Variants in SLC3A2 observed in about 807,000 individuals in gnomAD.
The protein encoded by SLC3A2 is solute carrier family 3 member 2.
A neutral mutation model predicts 48.5 loss-of-function variants in SLC3A2; 32 were observed. That is an observed-to-expected ratio of 0.66 (90% confidence interval 0.50 to 0.89). The LOEUF is 0.89. SLC3A2 is among the 40% of genes least tolerant of loss of function. The probability of loss-of-function intolerance (pLI) is 0.00; values close to 1 mark genes in which losing one functional copy is unlikely to be tolerated. For synonymous variants in SLC3A2, 277 were observed against 288.8 expected (o/e 0.96, Z 0.41); for missense variants, 587 against 680.7 (o/e 0.86, Z 1.53).
chr11:62,880,800 G>A (rs557373623), upstream of SLC3A2: 3 of 904,838 alleles, frequency 3.3e-6, no homozygotes, highest in South Asian at 4.1e-5. Context: ...ACCCTGAGCC[G>A]CCCACGGCTG....
chr11:62,876,435 A>C (rs2085571659), upstream of SLC3A2, among the ~76,000 whole-genome samples: 1 of 152,096 alleles, frequency 6.6e-6, no homozygotes, highest in Non-Finnish European at 1.5e-5. Context: ...AAATTCTTGA[A>C]AAATTATATT....
At chr11:62,880,809 TG>T (rs1000431895), upstream of SLC3A2, 22 of 1,013,342 alleles carry the variant, frequency 2.2e-5, no homozygotes, top group African/African-American at 3.6e-4. Flanking sequence ...CGCCCACGGC[TG>T]GGGCAGTCCC....
intron 7 of SLC3A2, 102 bp from the exon 8 acceptor site, chr11:62,888,033 C>T (rs1174092335): frequency 6.0e-6 from 6 of 1,005,116 alleles, no homozygotes; most frequent in Non-Finnish European, 7.6e-6. Flanking sequence ...TGGGCTCAAG[C>T]AATCCTCTTG....
chr11:62,873,372 C>G (rs1305230979), intron 1 of SLC3A2, among the ~76,000 whole-genome samples: 1 of 151,656 alleles, frequency 6.6e-6, no homozygotes, highest in Non-Finnish European at 1.5e-5. Context: ...CCTGTAGTCC[C>G]AGGTACTCTG....
At chr11:62,857,565 C>G (rs1229832235) in intron 1 of SLC3A2, among the ~76,000 whole-genome samples, 2 of 151,840 alleles carry the variant, frequency 1.3e-5, no homozygotes, top group East Asian at 3.9e-4. Context: ...TGGTGCATGC[C>G]TGTAGCCCCA....
chr11:62,882,778 C>A, intron 2 of SLC3A2, 130 bp from the exon 3 acceptor site: 1 of 761,538 alleles, frequency 1.3e-6, no homozygotes, highest in Non-Finnish European at 2.2e-6. Context: ...ATGAATTTTG[C>A]CCGGGTTCAA....
At chr11:62,857,284 C>G (rs1353100830) in intron 1 of SLC3A2, among the ~76,000 whole-genome samples, 1 of 152,124 alleles carries the variant, frequency 6.6e-6, no homozygotes, top group Non-Finnish European at 1.5e-5. Flanking sequence ...ATCATCATGC[C>G]ACACTAATTT....
At chr11:62,858,579 T>A (rs919719787) in intron 1 of SLC3A2, among the ~76,000 whole-genome samples, 3 of 151,726 alleles carry the variant, frequency 2.0e-5, no homozygotes, top group Middle Eastern at 3.4e-3. Flanking sequence ...ACGAGAGACT[T>A]AGGAAAGAAA....
Position 62,888,677 on chromosome 11 carries a change from T to C in SLC3A2, c.1574T>C (p.Phe525Ser). 6.3e-7 allele frequency: 1 copy of C among 1,594,726 alleles called. No homozygotes were observed. The change falls in exon 9 of 9, where the codon TTC becomes TCC. Residue 525 changes from phenylalanine to serine, a missense_variant. This residue lies in a region of SLC3A2 where 169 missense variants were observed against 204.4 expected (regional missense o/e 0.83). Transcript: ENST00000338663. ...LEPHEGLLLRFPYAA is the reference protein window; with the variant it reads ...LEPHEGLLLRSPYAA Reference sequence around the variant, plus strand: ...CCTCACGAAGGGCTGCTGCTCCGCTTCCCCTACGCGGCCTGACTTCAGCCT... The same window carrying C: ...CCTCACGAAGGGCTGCTGCTCCGCTCCCCCTACGCGGCCTGACTTCAGCCT...
intron 1 of SLC3A2, among the ~76,000 whole-genome samples, chr11:62,858,643 T>C (rs2085364181): frequency 1.3e-5 from 2 of 151,998 alleles, no homozygotes; most frequent in Non-Finnish European, 2.9e-5. Flanking sequence ...GAACCAGCGT[T>C]CAGCATATGG....
intron 1 of SLC3A2, among the ~76,000 whole-genome samples, chr11:62,865,775 C>T (rs1039406949): frequency 6.6e-6 from 1 of 152,034 alleles, no homozygotes; most frequent in African/African-American, 2.4e-5. Flanking sequence ...GTGAATCAAA[C>T]GCCTCATGGC....
intron 7 of SLC3A2, chr11:62,886,343 A>G (rs1271765804): frequency 6.6e-6 from 1 of 151,824 alleles, no homozygotes; most frequent in Non-Finnish European, 1.5e-5. Context: ...GGATACTACT[A>G]CAAAGGCATT....
At chr11:62,869,186 A>G (rs1242862126) in intron 1 of SLC3A2, among the ~76,000 whole-genome samples, 1 of 151,918 alleles carries the variant, frequency 6.6e-6, no homozygotes, top group Non-Finnish European at 1.5e-5. Context: ...GGTGTGAGAC[A>G]CCACGCCTGG....
At chr11:62,882,332 G>GT in intron 2 of SLC3A2, 1 of 401,534 alleles carries the variant, frequency 2.5e-6, no homozygotes, top group Non-Finnish European at 4.5e-6. Flanking sequence ...TAAACCAGTG[G>GT]TTTTAAACTT....
intron 1 of SLC3A2, among the ~76,000 whole-genome samples, chr11:62,867,534 C>G (rs1053236963): frequency 1.3e-5 from 2 of 150,518 alleles, no homozygotes; most frequent in African/African-American, 4.9e-5. Context: ...CCATGTTGGC[C>G]AGGATGGTCT....
chr11:62,864,371 T>C (rs2085430823), intron 1 of SLC3A2, among the ~76,000 whole-genome samples: 1 of 151,904 alleles, frequency 6.6e-6, no homozygotes, highest in African/African-American at 2.4e-5. Context: ...TCACTGCAAC[T>C]TCCACCTTCC....
chr11:62,876,721 C>T (rs1447075740), upstream of SLC3A2: 1 of 180,630 alleles, frequency 5.5e-6, no homozygotes, highest in Non-Finnish European at 1.2e-5. Context: ...TCTGCCACAG[C>T]CTCCTGAGTA....
upstream of SLC3A2, among the ~76,000 whole-genome samples, chr11:62,876,587 A>C (rs1406622865): frequency 6.6e-6 from 1 of 151,480 alleles, no homozygotes; most frequent in African/African-American, 2.4e-5. Flanking sequence ...CTAATTTATT[A>C]GTTTTATTAT....
chr11:62,880,133 T>G (rs2085613586), upstream of SLC3A2, among the ~76,000 whole-genome samples: 1 of 152,106 alleles, frequency 6.6e-6, no homozygotes, highest in Non-Finnish European at 1.5e-5. Context: ...CTGCCAAACA[T>G]CCAGGTGCTA....
Sources: allele counts gnomAD v4.1 joint callset (sites outside exome capture counted in the v4.1 genomes callset), GRCh38; gene constraint gnomAD v4.1.1; regional missense constraint gnomAD v4.1.1; transcripts MANE v1.5; gene names NCBI Gene and HGNC (gene_info 2026-07-23, HGNC 2026-07-21).